Variants in MED15 observed in about 807,000 individuals in gnomAD.
MED15 encodes the protein mediator of RNA polymerase II transcription subunit 15.
Under a neutral mutation model 118.7 loss-of-function variants are expected in MED15, and 41 were observed. That is an observed-to-expected ratio of 0.35 (90% CI 0.27 to 0.45). MED15 has a LOEUF of 0.45. Ranked by LOEUF, MED15 falls within the 20% of genes least tolerant of loss-of-function variation. The pLI is 1.00. For missense variants in MED15, 740 were observed against 1,025.5 expected, an observed-to-expected ratio of 0.72 and a Z score of 3.80; for synonymous variants, 436 against 413.9, an observed-to-expected ratio of 1.05 and a Z score of -0.65.
intron 1 of MED15, chr22:20,523,704 G>T: frequency 3.0e-6 from 3 of 985,432 alleles, no homozygotes; most frequent in Non-Finnish European, 3.6e-6. Flanking sequence ...CCCCAGGCCA[G>T]CACCAGGACA....
At position 20,577,244 on chromosome 22, in the gene MED15, C is replaced by T. The variant is rs2056849585; in HGVS notation, c.1272+2012C>T. 3.9e-5 allele frequency among the ~76,000 whole-genome samples: 6 copies of T among 152,180 alleles called. No homozygotes were observed. In the South Asian group the frequency reaches 1.2e-3, roughly 31 times the overall value. On this transcript the variant is annotated intron_variant, in intron 9 of 17. Transcript: ENST00000263205. Reference sequence around the variant, plus strand: ...TGCTGGGCTGATGACCTGGCTTCTCCTTCTTGTTTACTGGGCACTCCTGGG... The same window carrying T: ...TGCTGGGCTGATGACCTGGCTTCTCTTTCTTGTTTACTGGGCACTCCTGGG...
At chr22:20,538,500 T>A (rs1214752899) in intron 2 of MED15, among the ~76,000 whole-genome samples, 1 of 152,132 alleles carries the variant, frequency 6.6e-6, no homozygotes, top group East Asian at 1.9e-4. Context: ...TCCCCACGCC[T>A]TGCCCTCCCT....
At chr22:20,557,322 T>C (rs907302082) in intron 5 of MED15, among the ~76,000 whole-genome samples, 10 of 152,188 alleles carry the variant, frequency 6.6e-5, no homozygotes, top group Admixed American at 6.5e-4. Flanking sequence ...ACTCCTGCTC[T>C]GGAATCTTCC....
At position 20,564,777 on chromosome 22, in the gene MED15, G is replaced by A. The variant is rs956500334; in HGVS notation, c.690+89G>A. The A allele has an allele frequency of 1.3e-5, 20 of 1,577,026 alleles. 1 individual carries two copies. Among genetic ancestry groups the A allele is most frequent in the Admixed American group, 8.6e-5 (5 of 58,316 alleles). ...AGCCACAATGCTGGGTGCAGTGCCCGGAGCCAGCCGAGGGTTCTCTTGACA... is the reference window on the plus strand; with the variant it reads ...AGCCACAATGCTGGGTGCAGTGCCCAGAGCCAGCCGAGGGTTCTCTTGACA... On this transcript the variant is annotated intron_variant, in intron 6 of 17. Transcript: ENST00000263205.
At chr22:20,552,573 G>A (rs2055822127) in intron 3 of MED15, 1 of 452,070 alleles carries the variant, frequency 2.2e-6, no homozygotes, top group South Asian at 1.6e-5. Flanking sequence ...CAGTCCTGTG[G>A]GGCTCATGAG....
Position 20,543,359 on chromosome 22 carries a change from C to G in MED15, c.156+6155C>G, listed in dbSNP as rs1044427358. 4.7e-5 allele frequency among the ~76,000 whole-genome samples: 7 copies of G among 150,058 alleles called. No homozygotes were observed. In the Admixed American group the frequency reaches 4.7e-4, roughly 10 times the overall value. The stretch of plus-strand genomic sequence containing the variant: ...CCCAAGTGGCTGGGATTATAGGTGC[C>G]CACCACCACACCCAGCTAATTTTTG... On this transcript the variant is annotated intron_variant, in intron 2 of 17. Coordinates refer to ENST00000263205, the MANE Select transcript of MED15 (RefSeq NM_001003891.3).
chr22:20,578,625 G>A (rs1194760459), intron 9 of MED15, among the ~76,000 whole-genome samples: 5 of 152,170 alleles, frequency 3.3e-5, no homozygotes, highest in South Asian at 4.1e-4. Context: ...TCTCAGGAAC[G>A]TATCTGTTGA....
At chr22:20,514,192 T>C (rs2054176040) in intron 1 of MED15, among the ~76,000 whole-genome samples, 1 of 152,094 alleles carries the variant, frequency 6.6e-6, no homozygotes, top group Admixed American at 6.6e-5. Flanking sequence ...GAACATCTAC[T>C]CTCCCTGCAG....
At chr22:20,516,490 C>T (rs1037771905) in intron 1 of MED15, among the ~76,000 whole-genome samples, 1 of 151,930 alleles carries the variant, frequency 6.6e-6, no homozygotes, top group African/African-American at 2.4e-5. Flanking sequence ...CAACCAGTAC[C>T]CCCCAGACCT....
At position 20,585,257 on chromosome 22, in the gene MED15, C is replaced by G; in HGVS notation, c.2121C>G (p.Ile707Met). 6.2e-7 allele frequency: 1 copy of G among 1,613,260 alleles called. No homozygotes were observed. Among genetic ancestry groups the G allele is most frequent in the Non-Finnish European group, 8.5e-7 (1 of 1,179,738 alleles). Residue 707 changes from isoleucine to methionine, a missense_variant, in exon 16 of 18, where the codon ATC becomes ATG. This residue lies in a region of MED15 where 179 missense variants were observed against 259.0 expected (regional missense o/e 0.69). Coordinates refer to ENST00000263205, the MANE Select transcript of MED15 (RefSeq NM_001003891.3). Reference protein sequence around the residue: ...HCSNNGTVHLICKLDDKDLPS... With the variant: ...HCSNNGTVHLMCKLDDKDLPS... ...GCAACAATGGCACTGTCCACCTGAT[C>G]TGCAAGCTGGGTGAGTGTCCAGAGG...
intron 13 of MED15, chr22:20,583,651 A>G (rs1460060947): frequency 4.1e-6 from 2 of 490,496 alleles, no homozygotes; most frequent in Non-Finnish European, 7.4e-6. Context: ...GACCTCATCC[A>G]GTCAGCAGCC....
chr22:20,577,176 G>C (rs2056847484), intron 9 of MED15, among the ~76,000 whole-genome samples: 2 of 152,112 alleles, frequency 1.3e-5, no homozygotes, highest in African/African-American at 4.8e-5. Context: ...TTATGCCTTG[G>C]CCTCTCAGCA....
At chr22:20,544,916 T>G (rs1313331203) in intron 2 of MED15, among the ~76,000 whole-genome samples, 3 of 152,212 alleles carry the variant, frequency 2.0e-5, no homozygotes, top group African/African-American at 7.2e-5. Context: ...TCTCTGTGTG[T>G]GTGAACTTTC....
At chr22:20,562,670 C>G (rs954595307) in intron 5 of MED15, among the ~76,000 whole-genome samples, 6 of 152,180 alleles carry the variant, frequency 3.9e-5, no homozygotes, top group Non-Finnish European at 7.3e-5. Context: ...GTGAGAACCA[C>G]CGCGACCCGC....
intron 1 of MED15, among the ~76,000 whole-genome samples, chr22:20,521,462 T>G (rs1044068211): frequency 2.6e-5 from 4 of 151,394 alleles, no homozygotes; most frequent in African/African-American, 9.7e-5. Context: ...AGTGGCGTGA[T>G]CTTGGCTCAC....
chr22:20,515,795 A>AT (rs1307588253), intron 1 of MED15, among the ~76,000 whole-genome samples: 9 of 151,790 alleles, frequency 5.9e-5, no homozygotes, highest in East Asian at 1.9e-4. Flanking sequence ...AAAAAAAAAA[A>AT]ATATATAGAC....
At chr22:20,549,514 G>A (rs576694091) in intron 2 of MED15, among the ~76,000 whole-genome samples, 58 of 152,192 alleles carry the variant, frequency 3.8e-4, no homozygotes, top group African/African-American at 1.3e-3. Context: ...CCAGCCAGGG[G>A]GATCAGAGGC....
intron 2 of MED15, among the ~76,000 whole-genome samples, chr22:20,549,359 A>G (rs2055681532): frequency 6.6e-6 from 1 of 151,998 alleles, no homozygotes; most frequent in African/African-American, 2.4e-5. Context: ...GACCAAGTGA[A>G]GATAGGGAGT....
chr22:20,513,348 C>T (rs2054143517), intron 1 of MED15, among the ~76,000 whole-genome samples: 1 of 150,698 alleles, frequency 6.6e-6, no homozygotes, highest in Non-Finnish European at 1.5e-5. Flanking sequence ...GGTGCGATCT[C>T]AGCTCACTGC....
Sources: gnomAD v4.1 joint callset for allele counts (sites outside exome capture counted in the v4.1 genomes callset) on GRCh38, gnomAD v4.1.1 for gene constraint, gnomAD v4.1.1 regional missense constraint, MANE v1.5 for transcripts, NCBI Gene and HGNC (gene_info 2026-07-23, HGNC 2026-07-21) for gene names.